SSBP3: variants seen among roughly 807,000 people sequenced by gnomAD.
SSBP3 encodes single-stranded DNA-binding protein 3.
In SSBP3, 5 loss-of-function variants were observed where a neutral mutation model predicts 69.6. The ratio of observed to expected loss-of-function variants is 0.07; its 90% CI spans 0.04 to 0.15. SSBP3 has a LOEUF of 0.15. Among genes scored for constraint, SSBP3 ranks in the 10% least tolerant of loss-of-function variants. The probability of loss-of-function intolerance (pLI) is 1.00; values close to 1 mark genes in which losing one functional copy is unlikely to be tolerated. For missense variants in SSBP3, 312 were observed against 534.0 expected (o/e 0.58, Z 4.10); for synonymous variants, 196 against 193.4 (o/e 1.01, Z -0.11).
chr1:54,357,451 A>G (rs903022842), intron 4 of SSBP3, among the ~76,000 whole-genome samples: 1 of 152,126 alleles, frequency 6.6e-6, no homozygotes, highest in African/African-American at 2.4e-5. Context: ...GGTGTACCAT[A>G]AGGGTGCTAG....
At chr1:54,318,779 C>G (rs1022062180) in intron 4 of SSBP3, among the ~76,000 whole-genome samples, 3 of 152,190 alleles carry the variant, frequency 2.0e-5, no homozygotes, top group Admixed American at 6.5e-5. Flanking sequence ...CCCCTCCTCC[C>G]ACTACAAAGA....
At chr1:54,367,257 C>T (rs977686768) in intron 4 of SSBP3, among the ~76,000 whole-genome samples, 1 of 152,176 alleles carries the variant, frequency 6.6e-6, no homozygotes, top group Non-Finnish European at 1.5e-5. Flanking sequence ...TAAACCCCCG[C>T]CCTGATACTC....
intron 4 of SSBP3, among the ~76,000 whole-genome samples, chr1:54,305,109 G>C (rs1024284857): frequency 2.0e-5 from 3 of 152,214 alleles, no homozygotes; most frequent in African/African-American, 7.2e-5. Context: ...TGGGAGGCCA[G>C]GCCAGGGGTA....
At chr1:54,280,374 G>A (rs148767273) in intron 5 of SSBP3, among the ~76,000 whole-genome samples, 29 of 152,338 alleles carry the variant, frequency 1.9e-4, no homozygotes, top group African/African-American at 6.7e-4. Context: ...GTGAGCACAG[G>A]TGCTAAATTC....
At chr1:54,284,956 C>G (rs540598005) in intron 4 of SSBP3, among the ~76,000 whole-genome samples, 4 of 152,166 alleles carry the variant, frequency 2.6e-5, no homozygotes, top group Admixed American at 2.0e-4. Context: ...AGTAAATGCA[C>G]GGTGTAATTC....
chr1:54,270,661 C>T (rs376733459), intron 5 of SSBP3, among the ~76,000 whole-genome samples: 2 of 152,162 alleles, frequency 1.3e-5, no homozygotes, highest in Admixed American at 6.5e-5. Flanking sequence ...CTTGGGTAAA[C>T]TGAAAGACCT....
At chr1:54,231,699 T>C (rs1035799305) in intron 14 of SSBP3, among the ~76,000 whole-genome samples, 2 of 152,198 alleles carry the variant, frequency 1.3e-5, no homozygotes, top group African/African-American at 4.8e-5. Flanking sequence ...TTTATTATTT[T>C]TTAATTTATT....
chr1:54,302,585 G>A (rs1645822935), intron 4 of SSBP3, among the ~76,000 whole-genome samples: 1 of 152,052 alleles, frequency 6.6e-6, no homozygotes, highest in Non-Finnish European at 1.5e-5. Flanking sequence ...TCTTTCTCTA[G>A]CTTTTAAGCA....
At chr1:54,368,521 C>A (rs189928850) in intron 4 of SSBP3, among the ~76,000 whole-genome samples, 54 of 152,004 alleles carry the variant, frequency 3.6e-4, no homozygotes, top group Non-Finnish European at 6.5e-4. Context: ...TCATTACCTG[C>A]CTGAAGCATT....
intron 14 of SSBP3, among the ~76,000 whole-genome samples, chr1:54,233,310 C>A (rs1356831887): frequency 2.0e-5 from 3 of 149,468 alleles, no homozygotes; most frequent in Non-Finnish European, 4.5e-5. Flanking sequence ...TGCCCGGCCG[C>A]GACCCCGTCT....
chr1:54,402,048 G>C (rs547196023), intron 3 of SSBP3, 103 bp from the exon 4 acceptor site: 2 of 936,740 alleles, frequency 2.1e-6, no homozygotes, highest in Admixed American at 2.3e-5. Flanking sequence ...GTCTCCCAAA[G>C]GCTCAATCCC....
In SSBP3 at chr1:54,381,678, G is replaced by C. The variant is rs1040999140; in HGVS notation, c.276+20183C>G. On this transcript the variant is annotated intron_variant, in intron 4 of 17. Coordinates refer to ENST00000610401, the Ensembl canonical transcript of SSBP3. ...CACCCACCCACGCTGGGACCACAAA[G>C]GTATCATTTACCACCACTTTACAGA... 1.3e-4 allele frequency among the ~76,000 whole-genome samples: 20 copies of C among 152,296 alleles called. 1 individual carries two copies. The South Asian group carries it at 3.5e-3, about 27-fold the overall frequency.
At chr1:54,308,518 G>A (rs186409814) in intron 4 of SSBP3, among the ~76,000 whole-genome samples, 1 of 151,154 alleles carries the variant, frequency 6.6e-6, no homozygotes, top group African/African-American at 2.4e-5. Flanking sequence ...GGAGAATGGC[G>A]TGAACCCGGG....
At chr1:54,257,978 G>A (rs1340667507) in intron 6 of SSBP3, 91 bp downstream of exon 6, 3 of 1,261,750 alleles carry the variant, frequency 2.4e-6, no homozygotes, top group Non-Finnish European at 1.1e-6. Context: ...AGTGGCTAGA[G>A]CACATTTTGA....
chr1:54,341,271 TGC>T (rs1646601664), intron 4 of SSBP3, among the ~76,000 whole-genome samples: 1 of 152,158 alleles, frequency 6.6e-6, no homozygotes, highest in South Asian at 2.1e-4. Flanking sequence ...TCAAGGTCCC[TGC>T]CTGTTCTGGG....
intron 10 of SSBP3, 27 bp from the exon 11 acceptor site, chr1:54,242,239 C>T: frequency 6.2e-7 from 1 of 1,613,400 alleles, no homozygotes; most frequent in Middle Eastern, 1.7e-4. Context: ...GAGATGTGGA[C>T]AATGAAAAAG....
rs1285363593 is a variant in SSBP3 at position 54,396,212 on chromosome 1, AAAAAAAAC to A, written c.276+5641_276+5648del. Among the ~76,000 whole-genome samples, 168 of 146,714 alleles carry A rather than the reference AAAAAAAAC, an allele frequency of 1.1e-3. 9 individuals carry two copies. The South Asian group carries it at 0.024, about 21-fold the overall frequency. On this transcript the variant is annotated intron_variant, in intron 4 of 17. Coordinates refer to ENST00000610401, the Ensembl canonical transcript of SSBP3. ...ATCTCAGAAAAAAAAAAAAAAAAAA[AAAAAAAAC>A]AACCCCATTACCCCAGCGAATCAAA...
At chr1:54,278,435 A>G (rs1645330829) in intron 5 of SSBP3, among the ~76,000 whole-genome samples, 1 of 152,052 alleles carries the variant, frequency 6.6e-6, no homozygotes. Context: ...CCAGACAGGT[A>G]CTGCCCGCCT....
intron 4 of SSBP3, among the ~76,000 whole-genome samples, chr1:54,338,573 G>A (rs1300300441): frequency 6.6e-6 from 1 of 152,136 alleles, no homozygotes; most frequent in African/African-American, 2.4e-5. Flanking sequence ...GTCACTCTGC[G>A]TCCATTTGCC....
Sources: gnomAD v4.1 joint callset for allele counts (sites outside exome capture counted in the v4.1 genomes callset) on GRCh38, gnomAD v4.1.1 for gene constraint, MANE v1.5 for transcripts, NCBI Gene and HGNC (gene_info 2026-07-23, HGNC 2026-07-21) for gene names.